The following PMEPA1 variants were observed in gnomAD, a reference collection of about 807,000 sequenced individuals.
The protein encoded by PMEPA1 is protein TMEPAI.
In PMEPA1, 11 loss-of-function variants were observed where a neutral mutation model predicts 23.0. That is an observed-to-expected ratio of 0.48 (90% CI 0.30 to 0.79). The LOEUF is 0.79. Among genes scored for constraint, PMEPA1 ranks in the 30% least tolerant of loss-of-function variants. The probability of loss-of-function intolerance (pLI) is 0.06; values close to 1 mark genes in which losing one functional copy is unlikely to be tolerated. For synonymous variants in PMEPA1, 204 were observed against 166.4 expected (o/e 1.23, Z -1.74); for missense variants, 377 against 390.9 (o/e 0.96, Z 0.30).
chr20:57,658,957 T>C (rs1403913855), intron 2 of PMEPA1, among the ~76,000 whole-genome samples: 2 of 152,222 alleles, frequency 1.3e-5, no homozygotes, highest in Non-Finnish European at 2.9e-5. Flanking sequence ...GGACCCAGAA[T>C]GCCTTCCTGT....
At chr20:57,690,348 T>A in intron 1 of PMEPA1, 2 of 990,308 alleles carry the variant, frequency 2.0e-6, no homozygotes, top group Non-Finnish European at 2.8e-6. Flanking sequence ...GCATCAGCGC[T>A]ACACATGCAA....
intron 1 of PMEPA1, among the ~76,000 whole-genome samples, chr20:57,700,656 A>C (rs1286733677): frequency 6.6e-6 from 1 of 152,182 alleles, no homozygotes; most frequent in Non-Finnish European, 1.5e-5. Context: ...ACTTGTTACT[A>C]AATAAAATTC....
In PMEPA1 at chr20:57,674,446, C is replaced by T. The variant is rs182636039; in HGVS notation, c.110-14749G>A. 3.9e-5 allele frequency among the ~76,000 whole-genome samples: 6 copies of T among 152,298 alleles called. No homozygotes were observed. The East Asian group carries it at 5.8e-4, about 15-fold the overall frequency. On this transcript the variant is annotated intron_variant, in intron 1 of 3. Coordinates refer to ENST00000341744, the MANE Select transcript of PMEPA1 (RefSeq NM_020182.5). ...TGTCTACTGTCTAAGCCACACAGTCCGGGGTTATTTTATTACAGCGGCCTG... is the reference window on the plus strand; with the variant it reads ...TGTCTACTGTCTAAGCCACACAGTCTGGGGTTATTTTATTACAGCGGCCTG...
chr20:57,693,082 C>T (rs986352088), intron 1 of PMEPA1, among the ~76,000 whole-genome samples: 1 of 152,194 alleles, frequency 6.6e-6, no homozygotes, highest in African/African-American at 2.4e-5. Flanking sequence ...GTGAGCAGGC[C>T]GGGAGTGGCC....
intron 1 of PMEPA1, among the ~76,000 whole-genome samples, chr20:57,686,553 T>C (rs931973235): frequency 3.3e-5 from 5 of 152,196 alleles, no homozygotes; most frequent in African/African-American, 1.2e-4. Context: ...TGCTGTGAAA[T>C]GGGGTCTCAA....
chr20:57,668,397 T>C (rs2071522971), intron 1 of PMEPA1, among the ~76,000 whole-genome samples: 1 of 152,186 alleles, frequency 6.6e-6, no homozygotes, highest in African/African-American at 2.4e-5. Flanking sequence ...GAGAGATAAC[T>C]AAGTCCCCTG....
intron 1 of PMEPA1, among the ~76,000 whole-genome samples, chr20:57,692,838 T>TCTCAGGGAGCG (rs1465821489): frequency 6.6e-6 from 1 of 152,226 alleles, no homozygotes; most frequent in Non-Finnish European, 1.5e-5. Flanking sequence ...CTCAGCAATG[T>TCTCAGGGAGCG]CTCAGGGAGC....
rs148774118 is a variant in PMEPA1 at position 57,656,127 on chromosome 20, C to CA, written c.265-3042dup. 0.015 allele frequency among the ~76,000 whole-genome samples: 2,214 copies of CA among 151,756 alleles called. 34 individuals carry two copies. The highest frequency in any genetic ancestry group is 0.024 in the Non-Finnish European group (1,628 of 67,876). ...GGCCTTCTATCAAACTTCGAGGACT[C>CA]AGAGATGTTTCTAAAGAATAAAGAG... is the stretch of plus-strand genomic sequence containing the variant. On this transcript the variant is annotated intron_variant, in intron 2 of 3. Transcript: ENST00000341744. The surrounding 1 kb of genome is among the most constrained non-coding windows in gnomAD (Gnocchi z 4.7).
At chr20:57,670,471 C>G (rs373389949) in intron 1 of PMEPA1, among the ~76,000 whole-genome samples, 11 of 152,154 alleles carry the variant, frequency 7.2e-5, no homozygotes, top group African/African-American at 2.7e-4. Context: ...AATCTTTCCT[C>G]CCTCCTTCCA....
At chr20:57,707,933 G>A (rs1037042574) in intron 1 of PMEPA1, among the ~76,000 whole-genome samples, 1 of 152,204 alleles carries the variant, frequency 6.6e-6, no homozygotes, top group African/African-American at 2.4e-5. Flanking sequence ...AAGGCAAGTC[G>A]GTTCCGCAAA....
intron 1 of PMEPA1, among the ~76,000 whole-genome samples, chr20:57,689,543 G>A (rs774527133): frequency 6.6e-6 from 1 of 152,226 alleles, no homozygotes; most frequent in African/African-American, 2.4e-5. Context: ...TCAGTGCCAA[G>A]ATGGGACAGT....
intron 1 of PMEPA1, 23 bp from the exon 2 acceptor site, chr20:57,659,720 G>A (rs41310827): frequency 0.019 from 29,871 of 1,553,390 alleles, 373 homozygotes; most frequent in Non-Finnish European, 0.023. Context: ...AGAGGGACAC[G>A]TGAGACCCTG....
rs199994626 is a variant in PMEPA1 at position 57,683,585 on chromosome 20, T to G, written c.110-23888A>C. Among the ~76,000 whole-genome samples, 14 of 94,026 alleles carry G rather than the reference T, an allele frequency of 1.5e-4. No individual in the cohort carries two copies. In the South Asian group the frequency reaches 3.9e-3, roughly 26 times the overall value. 61.7% of individuals were successfully genotyped at this position (94,026 alleles called of 152,430 possible). ...TGTGTGTGTGTGTGTGTGTGTGTGT[T>G]TCTTTTAAAAGTCTCTTCCCCTGAA... On this transcript the variant is annotated intron_variant, in intron 1 of 3. Transcript: ENST00000341744. The surrounding 1 kb of genome is among the most constrained non-coding windows in gnomAD (Gnocchi z 4.3).
chr20:57,680,552 T>C (rs6025720), intron 1 of PMEPA1, among the ~76,000 whole-genome samples: 21,758 of 152,232 alleles, frequency 0.14, 1,569 homozygotes, highest in Non-Finnish European at 0.15. Flanking sequence ...AATCAGATGA[T>C]AGTGAATATC....
In PMEPA1 at chr20:57,653,269, A is replaced by ATG. The variant is rs1568960034; in HGVS notation, c.265-184_265-183insCA. On this transcript the variant is annotated intron_variant, in intron 2 of 3. Coordinates refer to ENST00000341744, the MANE Select transcript of PMEPA1 (RefSeq NM_020182.5). The stretch of plus-strand genomic sequence containing the variant: ...GGGCGCTTTTCCAGGACGTGAGCGC[A>ATG]ATCACCTCCTCACTGATCCCTGAGG... Among the ~76,000 whole-genome samples the ATG allele has an allele frequency of 6.0e-3, 915 of 152,172 alleles. 10 individuals carry two copies. Among genetic ancestry groups the ATG allele is most frequent in the African/African-American group, 0.021 (854 of 41,516 alleles).
intron 1 of PMEPA1, among the ~76,000 whole-genome samples, chr20:57,670,975 C>A (rs1349078840): frequency 5.9e-5 from 9 of 152,130 alleles, no homozygotes; most frequent in Non-Finnish European, 1.2e-4. Flanking sequence ...GGATGCAGCG[C>A]GGCCGTGGGT....
chr20:57,684,302 G>C (rs574558327), intron 1 of PMEPA1, among the ~76,000 whole-genome samples: 10 of 152,176 alleles, frequency 6.6e-5, no homozygotes, highest in South Asian at 2.1e-4. Flanking sequence ...TAGCTGGGAG[G>C]GGGGCAGGGT....
upstream of PMEPA1, chr20:57,710,388 G>A (rs560568943): frequency 4.0e-6 from 6 of 1,507,508 alleles, no homozygotes; most frequent in East Asian, 1.0e-4. Flanking sequence ...ATCTTCTGAG[G>A]AGCACAAGGT....
intron 1 of PMEPA1, among the ~76,000 whole-genome samples, chr20:57,695,826 G>A (rs1044257392): frequency 1.3e-5 from 2 of 152,116 alleles, no homozygotes; most frequent in African/African-American, 2.4e-5. Flanking sequence ...GAATTACCTG[G>A]GGAGCTTTAG....
Sources: gnomAD v4.1 joint callset for allele counts (sites outside exome capture counted in the v4.1 genomes callset) on GRCh38, gnomAD v4.1.1 for gene constraint, Gnocchi (gnomAD v3.1) non-coding constraint, MANE v1.5 for transcripts, NCBI Gene and HGNC (gene_info 2026-07-23, HGNC 2026-07-21) for gene names.